THRB: variants seen among roughly 807,000 people sequenced by gnomAD.
THRB encodes thyroid hormone receptor beta.
In THRB, 12 loss-of-function variants were observed where a neutral mutation model predicts 47.8. The ratio of observed to expected loss-of-function variants is 0.25; its 90% confidence interval spans 0.16 to 0.41. THRB has a LOEUF of 0.41. Ranked by LOEUF, THRB falls within the 10% of genes least tolerant of loss-of-function variation. THRB has a pLI of 1.00. For synonymous variants in THRB, 218 were observed against 212.2 expected (o/e 1.03, Z -0.24); for missense variants, 348 against 589.2 (o/e 0.59, Z 4.24).
chr3:24,267,750 A>G (rs2052813372), intron 3 of THRB, among the ~76,000 whole-genome samples: 1 of 152,092 alleles, frequency 6.6e-6, no homozygotes, highest in African/African-American at 2.4e-5. Context: ...TCATCCACTG[A>G]CCACACTCTG....
intron 1 of THRB, among the ~76,000 whole-genome samples, chr3:24,452,734 G>C (rs1217942828): frequency 6.6e-6 from 1 of 151,990 alleles, no homozygotes; most frequent in Non-Finnish European, 1.5e-5. Context: ...GTAAATGGAG[G>C]GGTAAAGTTC....
At position 24,202,963 on chromosome 3, in the gene THRB, G is replaced by A. The variant is rs552015181; in HGVS notation, c.23-12629C>T. On this transcript the variant is annotated intron_variant, in intron 4 of 10. Coordinates refer to ENST00000646209, the MANE Select transcript of THRB (RefSeq NM_001354712.2). ...GCACTTGGAATCTTCCTCAGGATGG[G>A]TCAACTGGCCTGATGGCAAATGGGA... 1.5e-4 allele frequency among the ~76,000 whole-genome samples: 23 copies of A among 152,292 alleles called. No homozygotes were observed. In the South Asian group the frequency reaches 1.7e-3, roughly 11 times the overall value.
At chr3:24,183,174 A>G (rs2042122214) in intron 5 of THRB, among the ~76,000 whole-genome samples, 1 of 151,592 alleles carries the variant, frequency 6.6e-6, no homozygotes, top group African/African-American at 2.4e-5. Context: ...ATTTATTTTT[A>G]TATAGTTCAA....
At chr3:24,253,237 AT>A (rs1310545718) in intron 3 of THRB, among the ~76,000 whole-genome samples, 3 of 152,212 alleles carry the variant, frequency 2.0e-5, no homozygotes, top group African/African-American at 7.2e-5. Context: ...TTGTATATCT[AT>A]AGAAAGGTAA....
intron 3 of THRB, among the ~76,000 whole-genome samples, chr3:24,293,647 G>C (rs1019587680): frequency 2.0e-5 from 3 of 152,176 alleles, no homozygotes; most frequent in Admixed American, 2.0e-4. Context: ...AATGAGGCCA[G>C]ATGAATTCAG....
intron 1 of THRB, among the ~76,000 whole-genome samples, chr3:24,407,912 A>G (rs2067962696): frequency 6.6e-6 from 1 of 151,874 alleles, no homozygotes; most frequent in South Asian, 2.1e-4. Flanking sequence ...GAGGGAATTC[A>G]TGGATAAAAT....
At chr3:24,138,711 C>A (rs1376525255) in intron 8 of THRB, among the ~76,000 whole-genome samples, 2 of 152,176 alleles carry the variant, frequency 1.3e-5, no homozygotes, top group Non-Finnish European at 2.9e-5. Context: ...GTACTATGAG[C>A]TATGCACACA....
chr3:24,489,884 A>G (rs1697881122), intron 1 of THRB, among the ~76,000 whole-genome samples: 1 of 152,204 alleles, frequency 6.6e-6, no homozygotes. Context: ...TTGGAGAATG[A>G]ACATTTTAAA....
At chr3:24,128,974 T>C (rs1382222799) in intron 9 of THRB, among the ~76,000 whole-genome samples, 1 of 149,112 alleles carries the variant, frequency 6.7e-6, no homozygotes, top group African/African-American at 2.4e-5. Context: ...AGTTACAAAT[T>C]CCTTTTGGGA....
intron 4 of THRB, among the ~76,000 whole-genome samples, chr3:24,208,315 CA>C (rs1386053465): frequency 6.6e-6 from 1 of 152,164 alleles, no homozygotes; most frequent in African/African-American, 2.4e-5. Context: ...ATCAAGCTAC[CA>C]ATGACTTTCT....
intron 5 of THRB, among the ~76,000 whole-genome samples, chr3:24,175,538 A>G (rs974669224): frequency 1.3e-5 from 2 of 152,202 alleles, no homozygotes; most frequent in Non-Finnish European, 2.9e-5. Flanking sequence ...GTAAGGCTGG[A>G]GATTGAAAGA....
chr3:24,309,521 A>C (rs1559892446), intron 2 of THRB, among the ~76,000 whole-genome samples: 1 of 152,198 alleles, frequency 6.6e-6, no homozygotes, highest in Non-Finnish European at 1.5e-5. Context: ...TGAGGTAATA[A>C]AATTCTACTG....
At chr3:24,224,992 T>G (rs1056582619) in intron 4 of THRB, among the ~76,000 whole-genome samples, 9 of 152,120 alleles carry the variant, frequency 5.9e-5, no homozygotes, top group Admixed American at 2.0e-4. Context: ...AAAATAGAGC[T>G]CATATATCCA....
chr3:24,143,826 C>T (rs1388017751), intron 7 of THRB, 120 bp from the exon 8 acceptor site: 18 of 979,402 alleles, frequency 1.8e-5, no homozygotes, highest in African/African-American at 3.2e-5. Flanking sequence ...CTGGGTCCTT[C>T]GGGGTGGGTC....
At chr3:24,329,482 C>T (rs555394757) in intron 2 of THRB, among the ~76,000 whole-genome samples, 24 of 152,314 alleles carry the variant, frequency 1.6e-4, no homozygotes, top group African/African-American at 5.1e-4. Context: ...GAACATCATG[C>T]ATATTTATAT....
In THRB at chr3:24,364,770, C is replaced by T. The variant is rs56140856; in HGVS notation, c.-260-27399G>A. Among the ~76,000 whole-genome samples the T allele has an allele frequency of 6.2e-3, 949 of 152,270 alleles. 9 individuals are homozygous for T. Among genetic ancestry groups the T allele is most frequent in the African/African-American group, 0.019 (786 of 41,574 alleles). ...AACAAATAAAAGAAAGCAGCCTCTA[C>T]AGGTAACGTTTTTCGGACAAACAAC... On this transcript the variant is annotated intron_variant, in intron 1 of 10. Coordinates refer to ENST00000646209, the MANE Select transcript of THRB (RefSeq NM_001354712.2).
intron 1 of THRB, among the ~76,000 whole-genome samples, chr3:24,369,188 T>C (rs1352915302): frequency 6.6e-6 from 1 of 152,060 alleles, no homozygotes; most frequent in Non-Finnish European, 1.5e-5. Context: ...CATAAATAAA[T>C]GCCAATGCTG....
intron 3 of THRB, among the ~76,000 whole-genome samples, chr3:24,294,456 A>AC (rs1361615564): frequency 6.6e-6 from 1 of 152,166 alleles, no homozygotes; most frequent in African/African-American, 2.4e-5. Flanking sequence ...TGAGCCCATG[A>AC]CCCAATTCTG....
intron 1 of THRB, among the ~76,000 whole-genome samples, chr3:24,365,599 A>ACTGC (rs767455730): frequency 2.0e-5 from 3 of 152,190 alleles, no homozygotes; most frequent in Non-Finnish European, 4.4e-5. Flanking sequence ...AAATATGATA[A>ACTGC]CTGCAAACAG....
Sources: allele counts gnomAD v4.1 joint callset (sites outside exome capture counted in the v4.1 genomes callset), GRCh38; gene constraint gnomAD v4.1.1; transcripts MANE v1.5; gene names NCBI Gene and HGNC (gene_info 2026-07-23, HGNC 2026-07-21).